The following STING1 variants were observed in gnomAD, a reference collection of about 807,000 sequenced individuals.
STING1 encodes the protein stimulator of interferon response cGAMP interactor 1.
STING1 carries 19 observed loss-of-function variants against 31.6 expected under a neutral mutation model. The ratio of observed to expected loss-of-function variants is 0.60; its 90% confidence interval spans 0.42 to 0.88. The LOEUF is 0.88. Among genes scored for constraint, STING1 ranks in the 40% least tolerant of loss-of-function variants. STING1 has a pLI of 0.00. For missense variants in STING1, 371 were observed against 483.7 expected (o/e 0.77, Z 2.19); for synonymous variants, 200 against 208.6 (o/e 0.96, Z 0.35).
At chr5:139,479,848 CAAAAAAAAAAAAAAAA>C (rs1168023127) in intron 5 of STING1, among the ~76,000 whole-genome samples, 2 of 34,916 alleles carry the variant, frequency 5.7e-5, no homozygotes, top group Non-Finnish European at 8.4e-5. Flanking sequence ...ACTAAAAATA[CAAAAAAAAAAAAAAAA>C]AAAAAAAAAA....
At chr5:139,479,538 C>T (rs1175663253) in intron 5 of STING1, among the ~76,000 whole-genome samples, 1 of 150,928 alleles carries the variant, frequency 6.6e-6, no homozygotes, top group Non-Finnish European at 1.5e-5. Flanking sequence ...CCCGTCTGTA[C>T]TGAAAATACA....
chr5:139,481,964 T>A lies in STING1; in HGVS notation c.-1+246A>T. The A allele has an allele frequency of 2.2e-6, 1 of 458,212 alleles. No individual in the cohort carries two copies. The highest frequency in any genetic ancestry group is 3.9e-6 in the Non-Finnish European group (1 of 256,170). The allele number at this position is 458,212 out of a possible 1,614,324, so 28.4% of individuals were successfully genotyped here. A position where few individuals can be genotyped will look rare whatever the true frequency, so the allele number is the denominator to read the frequency against. ...AGACCCAGGGAGACCACAGGTGTGGTGAAGAAAGAAGGCAGCAACTATCCC... is the reference window on the plus strand; with the variant it reads ...AGACCCAGGGAGACCACAGGTGTGGAGAAGAAAGAAGGCAGCAACTATCCC... On this transcript the variant is annotated intron_variant, in intron 2 of 7. Coordinates refer to ENST00000330794, the MANE Select transcript of STING1 (RefSeq NM_198282.4). The surrounding 1 kb of genome is among the most constrained non-coding windows in gnomAD (Gnocchi z 4.1).
chr5:139,478,525 C>A lies in STING1; in HGVS notation c.521-17G>T. ...CCTGGAGCTCTGAGGCAGGGAAGCC[C>A]AAGAAGTTATTCCTGCTAACCCTAT... is the stretch of plus-strand genomic sequence containing the variant. On this transcript the variant is annotated splice_polypyrimidine_tract_variant and intron_variant, in intron 5 of 7. Transcript: ENST00000330794. 6.2e-7 allele frequency: 1 copy of A among 1,608,742 alleles called. No individual in the cohort carries two copies. The highest frequency in any genetic ancestry group is 1.1e-5 in the South Asian group (1 of 90,942).
rs1011753740 is a variant in STING1, at chr5:139,478,255, C to G, written c.759+15G>C. On this transcript the variant is annotated intron_variant, in intron 6 of 7. Transcript: ENST00000330794. ...TGACCCCTCCTCAGAGACCCCCACTCCCCTGCACACTTACCCGCTGCCCGT... is the reference window on the plus strand; with the variant it reads ...TGACCCCTCCTCAGAGACCCCCACTGCCCTGCACACTTACCCGCTGCCCGT... 6.3e-7 allele frequency: 1 copy of G among 1,599,784 alleles called. No homozygotes were observed.
At chr5:139,480,655 G>T in intron 5 of STING1, 135 bp downstream of exon 5, 2 of 642,396 alleles carry the variant, frequency 3.1e-6, no homozygotes, top group Non-Finnish European at 5.6e-6. Context: ...TTCATGCCTT[G>T]GGATTAAAGG....
chr5:139,478,634 T>TC, intron 5 of STING1, 126 bp from the exon 6 acceptor site: 5 of 827,100 alleles, frequency 6.0e-6, no homozygotes, highest in Non-Finnish European at 9.9e-6. Flanking sequence ...CAGTGCACTC[T>TC]CATTGTACAG....
chr5:139,476,253 C>T lies in STING1; in HGVS notation c.*8G>A. The T allele has an allele frequency of 6.4e-7, 1 of 1,565,892 alleles. No individual in the cohort carries two copies. Among genetic ancestry groups the T allele is most frequent in the Non-Finnish European group, 8.7e-7 (1 of 1,155,928 alleles). Reference sequence around the variant, plus strand: ...CCACTGGAGGCTCTGGCCTGGTGACCCTGGGTCTCAAGAGAAATCCGTGCG... The same window carrying T: ...CCACTGGAGGCTCTGGCCTGGTGACTCTGGGTCTCAAGAGAAATCCGTGCG... On this transcript the variant is annotated 3_prime_UTR_variant, in exon 8 of 8. Transcript: ENST00000330794.
In STING1 at chr5:139,478,327, G is replaced by A; in HGVS notation, c.702C>T (p.Gly234=). The change falls in exon 6 of 8, where the codon GGC becomes GGT. Residue 234 remains glycine, a synonymous_variant. Transcript: ENST00000330794. ...TGTTGCTGTAAACCCGATCCTTGATGCCAGCATGGTCACCGGTCTGCTGGG... is the reference window on the plus strand; with the variant it reads ...TGTTGCTGTAAACCCGATCCTTGATACCAGCATGGTCACCGGTCTGCTGGG... ...KLPQQTGDHA[G]IKDRVYSNSI... 1 of 1,614,168 alleles carries A rather than the reference G, an allele frequency of 6.2e-7. No homozygotes were observed. Among genetic ancestry groups the A allele is most frequent in the Non-Finnish European group, 8.5e-7 (1 of 1,180,040 alleles).
rs1310490983 is a variant in STING1 at position 139,477,381 on chromosome 5, G to A, written c.894C>T (p.Ile298=). The A allele has an allele frequency of 6.2e-7, 1 of 1,614,186 alleles. No individual in the cohort carries two copies. The part of the protein sequence containing the change: ...AKLFCRTLED[I]LADAPESQNN... The stretch of plus-strand genomic sequence containing the variant: ...TCTGAGACTCAGGGGCATCTGCCAG[G>A]ATGTCCTCAAGTGTCCGGCAGAAGA... Residue 298 remains isoleucine (I), a synonymous_variant, in exon 7 of 8, where the codon ATC becomes ATT. Transcript: ENST00000330794.
chr5:139,480,909 C>T lies in STING1; in HGVS notation c.412-11G>A. ...AGCTGGGGCCAGGCCCTGTGGACAG[C>T]AGGATGTGGCTGGGGGGCCTCCATC... is the stretch of plus-strand genomic sequence containing the variant. On this transcript the variant is annotated splice_polypyrimidine_tract_variant and intron_variant, in intron 4 of 7. Coordinates refer to ENST00000330794, the MANE Select transcript of STING1 (RefSeq NM_198282.4). The T allele has an allele frequency of 1.2e-6, 2 of 1,604,024 alleles. No individual in the cohort carries two copies. The highest frequency in any genetic ancestry group is 1.7e-6 in the Non-Finnish European group (2 of 1,171,450).
At chr5:139,477,244 C>T (rs991067334) in intron 7 of STING1, 85 bp downstream of exon 7, 4 of 1,404,986 alleles carry the variant, frequency 2.8e-6, no homozygotes, top group Non-Finnish European at 3.9e-6. Context: ...GCTCCATAGC[C>T]CCTTCTGACT....
At position 139,480,805 on chromosome 5, in the gene STING1, G is replaced by A. The variant is rs1043499198; in HGVS notation, c.505C>T (p.Arg169Trp). The A allele has an allele frequency of 4.3e-6, 7 of 1,612,702 alleles. No homozygotes were observed. Among genetic ancestry groups the A allele is most frequent in the East Asian group, 2.2e-5 (1 of 44,890 alleles). ...GATGGCCCACCTGGCAGGATCAGCC[G>A]CAGATATCCGATGTAATATGACCAT... is the stretch of plus-strand genomic sequence containing the variant. ...LAWSYYIGYL[R>W]LILPELQARI... Residue 169 changes from arginine to tryptophan, a missense_variant, in exon 5 of 8, where the codon CGG becomes TGG. Arg to Trp is a moderately radical substitution (Grantham distance 101, BLOSUM62 -3). Transcript: ENST00000330794.
intron 5 of STING1, among the ~76,000 whole-genome samples, 165 bp downstream of exon 5, chr5:139,480,625 T>C (rs1751809950): frequency 1.3e-5 from 2 of 152,224 alleles, no homozygotes; most frequent in Admixed American, 1.3e-4. Flanking sequence ...TTCTGCAAAC[T>C]AGGCATCATA....
intron 5 of STING1, 44 bp downstream of exon 5, chr5:139,480,746 T>C: frequency 8.0e-7 from 1 of 1,246,274 alleles, no homozygotes; most frequent in Non-Finnish European, 1.2e-6. Context: ...TGTCTTAGTG[T>C]CTGTTTTGTA....
chr5:139,478,147 G>A lies in STING1; in HGVS notation c.759+123C>T, dbSNP rs1751716770. 3.9e-5 allele frequency: 29 copies of A among 744,132 alleles called. No homozygotes were observed. In the South Asian group the frequency reaches 4.6e-4, roughly 12 times the overall value. The allele number at this position is 744,132 out of a possible 1,614,324, so 46.1% of individuals were successfully genotyped here. On this transcript the variant is annotated intron_variant, in intron 6 of 7. Coordinates refer to ENST00000330794, the MANE Select transcript of STING1 (RefSeq NM_198282.4). ...TCAGAGCTGAATCCTGCCCAGACCTGGGACCAGCTAGGGACACTACAGCTC... is the reference window on the plus strand; with the variant it reads ...TCAGAGCTGAATCCTGCCCAGACCTAGGACCAGCTAGGGACACTACAGCTC...
rs1358836126 is a variant in STING1, at chr5:139,481,217, G to A, written c.353C>T (p.Thr118Ile). Residue 118 changes from threonine (T) to isoleucine (I), a missense_variant, in exon 4 of 8, where the codon ACT becomes ATT. Physicochemically the swap from Thr to Ile is moderately conservative, Grantham distance 89 (BLOSUM62 -1). Coordinates refer to ENST00000330794, the MANE Select transcript of STING1 (RefSeq NM_198282.4). This position sits in a 1 kb window ranked among gnomAD's most constrained non-coding sequence, Gnocchi z 4.1. ...GAGGCCCAGGAGGGCAAGCATCCAAGTGAAGGGCGGGCCGACCGCATTTGG... is the reference window on the plus strand; with the variant it reads ...GAGGCCCAGGAGGGCAAGCATCCAAATGAAGGGCGGGCCGACCGCATTTGG... The part of the protein sequence containing the change: ...SLPNAVGPPF[T>I]WMLALLGLSQ... The A allele has an allele frequency of 2.5e-6, 4 of 1,614,090 alleles. No individual in the cohort carries two copies. The African/African-American group carries it at 4.0e-5, about 16-fold the overall frequency.
intron 4 of STING1, 42 bp from the exon 5 acceptor site, chr5:139,480,940 C>T (rs1312602163): frequency 6.7e-7 from 1 of 1,496,078 alleles, no homozygotes; most frequent in East Asian, 2.3e-5. Flanking sequence ...CCATCAAGGA[C>T]ACCCAGAGAA....
chr5:139,479,036 C>G (rs1278890470), intron 5 of STING1: 1 of 154,584 alleles, frequency 6.5e-6, no homozygotes, highest in Non-Finnish European at 1.4e-5. Context: ...TGAGACTAGC[C>G]TGGGCAACAT....
rs764292169 is a variant in STING1 at position 139,481,263 on chromosome 5, T to C, written c.307A>G (p.Ile103Val). 2 of 1,613,984 alleles carry C rather than the reference T, an allele frequency of 1.2e-6. No individual in the cohort carries two copies. Among genetic ancestry groups the C allele is most frequent in the South Asian group, 2.2e-5 (2 of 91,066 alleles). Residue 103 changes from isoleucine to valine, a missense_variant, in exon 4 of 8, where the codon ATC (isoleucine) becomes GTC (valine). Physicochemically the swap from Ile to Val is conservative, Grantham distance 29. Transcript: ENST00000330794. The surrounding 1 kb of genome is among the most constrained non-coding windows in gnomAD (Gnocchi z 4.1). ...TTTGGGAGGGAGTAGTAGAAATAGA[T>C]GGACAGCAGCAACAGGGCCCCACGG... is the stretch of plus-strand genomic sequence containing the variant. The part of the protein sequence containing the change: ...LRRGALLLLS[I>V]YFYYSLPNAV...
Sources: gnomAD v4.1 joint callset for allele counts (sites outside exome capture counted in the v4.1 genomes callset) on GRCh38, gnomAD v4.1.1 for gene constraint, Gnocchi (gnomAD v3.1) non-coding constraint, MANE v1.5 for transcripts, NCBI Gene and HGNC (gene_info 2026-07-23, HGNC 2026-07-21) for gene names.